DDA1: variants seen among roughly 807,000 people sequenced by gnomAD.
DDA1 encodes the protein DET1 and DDB1 associated 1.
In DDA1, 3 loss-of-function variants were observed where a neutral mutation model predicts 18.6. The ratio of observed to expected loss-of-function variants is 0.16; its 90% confidence interval spans 0.07 to 0.42. The LOEUF (loss-of-function observed/expected upper bound fraction) is 0.42, where lower values mean the gene tolerates loss of function less well. DDA1 is among the 10% of genes least tolerant of loss of function. The pLI is 0.99. For missense variants in DDA1, 105 were observed against 138.2 expected, an observed-to-expected ratio of 0.76 and a Z score of 1.20; for synonymous variants, 52 against 54.0, an observed-to-expected ratio of 0.96 and a Z score of 0.17.
chr19:17,317,422 C>A (rs192574901), intron 4 of DDA1, among the ~76,000 whole-genome samples: 1 of 151,886 alleles, frequency 6.6e-6, no homozygotes, highest in Admixed American at 6.6e-5. Context: ...GAGGCTGAGG[C>A]GGGAGAATGG....
At chr19:17,316,732 G>A (rs553385266) in intron 4 of DDA1, among the ~76,000 whole-genome samples, 73 of 151,766 alleles carry the variant, frequency 4.8e-4, no homozygotes, top group African/African-American at 1.6e-3. Flanking sequence ...AAAAAAATTA[G>A]CCAGGTATGC....
intron 4 of DDA1, among the ~76,000 whole-genome samples, chr19:17,319,116 C>T (rs1457872462): frequency 6.6e-6 from 1 of 152,190 alleles, no homozygotes; most frequent in Non-Finnish European, 1.5e-5. Flanking sequence ...GAAACCAGCC[C>T]TGTGTGGGTC....
intron 1 of DDA1, among the ~76,000 whole-genome samples, chr19:17,310,628 C>T (rs1265873512): frequency 1.3e-5 from 2 of 152,134 alleles, no homozygotes; most frequent in South Asian, 2.1e-4. Context: ...AGTCCCAGCC[C>T]ACAATCCACA....
chr19:17,314,550 TC>T lies in DDA1; in HGVS notation c.136+163del. The T allele has an allele frequency of 2.1e-6, 2 of 938,028 alleles. No homozygotes were observed. The highest frequency in any genetic ancestry group is 3.2e-6 in the Non-Finnish European group (2 of 619,678). 58.1% of individuals were successfully genotyped at this position (938,028 alleles called of 1,614,324 possible). A position where few individuals can be genotyped will look rare whatever the true frequency, so the allele number is the denominator to read the frequency against. ...GAATCCAGTTAAGTCAGGGAGGGCC[TC>T]CAGGGAGGTACAGGAGGGGGACCTT... On this transcript the variant is annotated intron_variant, in intron 3 of 4. Coordinates refer to ENST00000359866, the MANE Select transcript of DDA1 (RefSeq NM_024050.6). The surrounding 1 kb of genome is among the most constrained non-coding windows in gnomAD (Gnocchi z 4.6).
At chr19:17,315,230 C>CACACGTGTATAT (rs2074201981) in intron 3 of DDA1, among the ~76,000 whole-genome samples, 2 of 11,696 alleles carry the variant, frequency 1.7e-4, no homozygotes, top group African/African-American at 5.2e-4. Flanking sequence ...CACGTGTATA[C>CACACGTGTATAT]ACACACACGT....
At position 17,313,953 on chromosome 19, in the gene DDA1, C is replaced by T. The variant is rs192082306; in HGVS notation, c.4-70C>T. ...GTGGGAAGAAGGAACCCAGCAGTCA[C>T]CCTGCAGGTGCTCCAGGGATGAGCT... is the stretch of plus-strand genomic sequence containing the variant. On this transcript the variant is annotated intron_variant, in intron 1 of 4. Transcript: ENST00000359866. 4.4e-4 allele frequency: 566 copies of T among 1,295,736 alleles called. 2 individuals are homozygous for T. The African/African-American group carries it at 7.6e-3, about 17-fold the overall frequency. 80.3% of individuals were successfully genotyped at this position (1,295,736 alleles called of 1,614,324 possible). A position where few individuals can be genotyped will look rare whatever the true frequency, so the allele number is the denominator to read the frequency against.
Position 17,314,073 on chromosome 19 carries a change from A to C in DDA1, c.54A>C (p.Arg18=). 1.2e-6 allele frequency: 2 copies of C among 1,614,038 alleles called. No individual in the cohort carries two copies. The highest frequency in any genetic ancestry group is 1.7e-6 in the Non-Finnish European group (2 of 1,179,980). The change falls in exon 2 of 5, where the codon CGA becomes CGC. Residue 18 remains arginine, a synonymous_variant. Transcript: ENST00000359866. This position sits in a 1 kb window ranked among gnomAD's most constrained non-coding sequence, Gnocchi z 4.6. The part of the protein sequence containing the change: ...LPVYNKSNFS[R]FHADSVCKAS... ...TCTACAACAAAAGCAATTTTAGTCG[A>C]TTTCACGCGGACTCCGTGTGCAAAG...
chr19:17,316,706 C>G (rs1045417983), intron 4 of DDA1, among the ~76,000 whole-genome samples: 2 of 151,064 alleles, frequency 1.3e-5, no homozygotes, highest in African/African-American at 4.9e-5. Flanking sequence ...AACCCTGTCT[C>G]TACTAAAAAA....
At chr19:17,316,908 C>T (rs574553790) in intron 4 of DDA1, among the ~76,000 whole-genome samples, 1 of 151,510 alleles carries the variant, frequency 6.6e-6, no homozygotes, top group Non-Finnish European at 1.5e-5. Context: ...AAAATCTTTT[C>T]TGAATGGTGA....
rs2074196229 is a variant in DDA1 at position 17,315,094 on chromosome 19, TATATACACAC to T, written c.136+711_136+720del. Among the ~76,000 whole-genome samples, 2 of 130,728 alleles carry T rather than the reference TATATACACAC, an allele frequency of 1.5e-5. 1 individual carries two copies. The highest frequency in any genetic ancestry group is 5.3e-4 in the East Asian group (2 of 3,786). The allele number at this position is 130,728 out of a possible 152,430, so 85.8% of individuals were successfully genotyped here. ...TCACCAAAAACCATATATATACGTA[TATATACACAC>T]ATATATATACACACACGTATATATA... is the stretch of plus-strand genomic sequence containing the variant. On this transcript the variant is annotated intron_variant, in intron 3 of 4. Coordinates refer to ENST00000359866, the MANE Select transcript of DDA1 (RefSeq NM_024050.6).
chr19:17,309,717 C>G lies in DDA1; in HGVS notation c.3+60C>G. Reference sequence around the variant, plus strand: ...GCTAGACAAAATGGCGCTGTGGTCCCACCCACCTCTAGTATCCCCCTAGGC... The same window carrying G: ...GCTAGACAAAATGGCGCTGTGGTCCGACCCACCTCTAGTATCCCCCTAGGC... On this transcript the variant is annotated intron_variant, in intron 1 of 4. Transcript: ENST00000359866. 3.1e-6 allele frequency: 5 copies of G among 1,593,004 alleles called. No individual in the cohort carries two copies. In the African/African-American group the frequency reaches 6.7e-5, roughly 21 times the overall value.
intron 1 of DDA1, among the ~76,000 whole-genome samples, chr19:17,311,247 C>T (rs960285618): frequency 6.6e-6 from 1 of 151,530 alleles, no homozygotes; most frequent in African/African-American, 2.4e-5. Context: ...CTCACTGGAA[C>T]CTCCGCCTCC....
At position 17,315,121 on chromosome 19, in the gene DDA1, G is replaced by GTA. The variant is rs58226364; in HGVS notation, c.136+739_136+740dup. Among the ~76,000 whole-genome samples, 411 of 82,268 alleles carry GTA rather than the reference G, an allele frequency of 5.0e-3. 19 individuals are homozygous for GTA. Among genetic ancestry groups the GTA allele is most frequent in the Middle Eastern group, 0.014 (3 of 216 alleles). 54.0% of individuals were successfully genotyped at this position (82,268 alleles called of 152,430 possible). A position where few individuals can be genotyped will look rare whatever the true frequency, so the allele number is the denominator to read the frequency against. On this transcript the variant is annotated intron_variant, in intron 3 of 4. Coordinates refer to ENST00000359866, the MANE Select transcript of DDA1 (RefSeq NM_024050.6). ...TATACACACATATATATACACACACGTATATATACACACATATATATACAC... is the reference window on the plus strand; with the variant it reads ...TATACACACATATATATACACACACGTATATATATACACACATATATATACAC...
In DDA1 at chr19:17,319,976, T is replaced by A; in HGVS notation, c.*320T>A. 1 of 282,840 alleles carries A rather than the reference T, an allele frequency of 3.5e-6. No homozygotes were observed. Among genetic ancestry groups the A allele is most frequent in the South Asian group, 3.8e-5 (1 of 26,638 alleles). 17.5% of individuals were successfully genotyped at this position (282,840 alleles called of 1,614,324 possible). ...CCAGTTCCCCGATTCCTGCCCCCAG[T>A]TCTCCAGAGAACCAGAGTGTGTCTG... On this transcript the variant is annotated 3_prime_UTR_variant, in exon 5 of 5. Transcript: ENST00000359866.
At chr19:17,315,666 A>G in intron 3 of DDA1, 2 of 529,038 alleles carry the variant, frequency 3.8e-6, no homozygotes, top group Non-Finnish European at 6.8e-6. Flanking sequence ...TCAGCCTGGG[A>G]GAAACATAGG....
intron 3 of DDA1, among the ~76,000 whole-genome samples, chr19:17,315,230 C>CACACACACGTGTATAT (rs1367305245): frequency 0.062 from 722 of 11,610 alleles, 150 homozygotes; most frequent in Non-Finnish European, 0.11. Context: ...CACGTGTATA[C>CACACACACGTGTATAT]ACACACACGT....
chr19:17,320,034 G>A lies in DDA1; in HGVS notation c.*378G>A, dbSNP rs545295930. 1.6e-4 allele frequency: 29 copies of A among 186,320 alleles called. No individual in the cohort carries two copies. Among genetic ancestry groups the A allele is most frequent in the African/African-American group, 6.4e-4 (27 of 42,152 alleles). The allele number at this position is 186,320 out of a possible 1,614,324, so 11.5% of individuals were successfully genotyped here. ...CTCTAGCGGGGGCTTTACTGTGGCC[G>A]GGCGACAGGGGCGGGCCCGGGGTGG... is the stretch of plus-strand genomic sequence containing the variant. On this transcript the variant is annotated 3_prime_UTR_variant, in exon 5 of 5. Transcript: ENST00000359866.
In DDA1 at chr19:17,319,597, T is replaced by G. The variant is rs1476996974; in HGVS notation, c.250T>G (p.Ser84Ala). Residue 84 changes from serine (S) to alanine (A), a missense_variant, in exon 5 of 5, where the codon TCC becomes GCC. Ser to Ala is a moderately conservative substitution (Grantham distance 99, BLOSUM62 1). Around this residue, in one of 2 missense-constraint regions of DDA1, gnomAD observed 62 missense variants for 55.8 expected, o/e 1.11. Transcript: ENST00000359866. ...GCAAGTGGAGCTGGAAGGCGAGAGC[T>G]CCGCACCTCCCCGCAAGGTGGCGCG... ...QEQVELEGES[S>A]APPRKVARTD... 1.9e-6 allele frequency: 3 copies of G among 1,580,402 alleles called. No homozygotes were observed. The highest frequency in any genetic ancestry group is 1.7e-6 in the Non-Finnish European group (2 of 1,163,382).
At chr19:17,315,288 A>ACG (rs1568353951) in intron 3 of DDA1, among the ~76,000 whole-genome samples, 1 of 29,652 alleles carries the variant, frequency 3.4e-5, no homozygotes, top group Non-Finnish European at 7.0e-5. Context: ...TACACACACT[A>ACG]TATATATACA....
Sources: gnomAD v4.1 joint callset for allele counts (sites outside exome capture counted in the v4.1 genomes callset) on GRCh38, gnomAD v4.1.1 for gene constraint, gnomAD v4.1.1 regional missense constraint, Gnocchi (gnomAD v3.1) non-coding constraint, MANE v1.5 for transcripts, NCBI Gene and HGNC (gene_info 2026-07-23, HGNC 2026-07-21) for gene names.